The following DACH2 variants were observed in gnomAD, a reference collection of about 807,000 sequenced individuals.
The protein encoded by DACH2 is dachshund homolog 2.
In DACH2, 17 loss-of-function variants were observed where a neutral mutation model predicts 35.8. The observed-to-expected ratio is 0.48, with a 90% CI of 0.33 to 0.71. The LOEUF (loss-of-function observed/expected upper bound fraction) is 0.71, where lower values mean the gene tolerates loss of function less well. DACH2 is among the 30% of genes least tolerant of loss of function. The pLI is 0.02. For synonymous variants in DACH2, 195 were observed against 177.3 expected (o/e 1.10, Z -0.79); for missense variants, 469 against 472.7 (o/e 0.99, Z 0.07).
At position 86,546,404 on chromosome X, in the gene DACH2, C is replaced by CCTT. The variant is rs1556304122; in HGVS notation, c.640+32026_640+32028dup. On this transcript the variant is annotated intron_variant, in intron 3 of 11. Coordinates refer to ENST00000373125, the MANE Select transcript of DACH2 (RefSeq NM_053281.3). The stretch of plus-strand genomic sequence containing the variant: ...TCTTCTTCTTCTTCTTCTTCTTCTT[C>CCTT]CTTCTTCTTCTTCTTTCTTCTTCTT... 6.4e-3 allele frequency among the ~76,000 whole-genome samples: 137 copies of CCTT among 21,553 alleles called. 3 individuals carry two copies. Among genetic ancestry groups the CCTT allele is most frequent in the Middle Eastern group, 0.031 (1 of 32 alleles). The allele number at this position is 21,553 out of a possible 115,157, so 18.7% of individuals were successfully genotyped here. A position where few individuals can be genotyped will look rare whatever the true frequency, so the allele number is the denominator to read the frequency against.
chrX:86,452,024 T>C (rs748402068), intron 2 of DACH2, among the ~76,000 whole-genome samples: 1 of 111,825 alleles, frequency 8.9e-6, no homozygotes, highest in South Asian at 3.7e-4. Context: ...TTATTTAGAG[T>C]TTTTAACATA....
chrX:86,272,199 A>AGTGT (rs139733313), intron 1 of DACH2, among the ~76,000 whole-genome samples: 38,191 of 99,979 alleles, frequency 0.38, 5,583 homozygotes, highest in East Asian at 0.52. Context: ...TTCCTTTGAG[A>AGTGT]GTGTGTGTGT....
chrX:86,508,933 A>G lies in DACH2; in HGVS notation c.528-5346A>G, dbSNP rs184194862. Among the ~76,000 whole-genome samples, 301 of 111,842 alleles carry G rather than the reference A, an allele frequency of 2.7e-3. 1 individual carries two copies. Among genetic ancestry groups the G allele is most frequent in the Middle Eastern group, 0.023 (5 of 215 alleles). On this transcript the variant is annotated intron_variant, in intron 2 of 11. Transcript: ENST00000373125. The stretch of plus-strand genomic sequence containing the variant: ...AAGAAACAGAAATTCAGTATTAGTG[A>G]GAGAAAGAAGCATCACCATTTTAAA...
At chrX:86,793,997 T>C (rs2042212248) in intron 7 of DACH2, among the ~76,000 whole-genome samples, 1 of 112,042 alleles carries the variant, frequency 8.9e-6, no homozygotes, top group African/African-American at 3.2e-5. Flanking sequence ...GAATGTGGGC[T>C]TTGGTATATA....
chrX:86,778,467 G>T (rs1301243819), intron 7 of DACH2, among the ~76,000 whole-genome samples: 1 of 111,462 alleles, frequency 9.0e-6, no homozygotes, highest in African/African-American at 3.3e-5. Flanking sequence ...TGCAATGTTA[G>T]GTAGTAATAA....
intron 7 of DACH2, 82 bp downstream of exon 7, chrX:86,739,964 A>T (rs2041636963): frequency 7.4e-6 from 7 of 947,854 alleles, no homozygotes; most frequent in Non-Finnish European, 9.9e-6. Flanking sequence ...GAGAGGGAAA[A>T]GCTGGGGAAG....
rs377467285 is a variant in DACH2, at chrX:86,417,042, C to T, written c.527+40180C>T. Among the ~76,000 whole-genome samples, 172 of 83,597 alleles carry T rather than the reference C, an allele frequency of 2.1e-3. 7 individuals are homozygous for T. The South Asian group carries it at 0.12, about 57-fold the overall frequency. 72.6% of individuals were successfully genotyped at this position (83,597 alleles called of 115,157 possible). On this transcript the variant is annotated intron_variant, in intron 2 of 11. Coordinates refer to ENST00000373125, the MANE Select transcript of DACH2 (RefSeq NM_053281.3). ...CTGGGAGGTGGAGGTTGCAGTGAGT[C>T]GAGATCATGCCACTGCACTCCAGCC...
chrX:86,773,143 A>T (rs2042002015), intron 7 of DACH2, among the ~76,000 whole-genome samples: 1 of 111,815 alleles, frequency 8.9e-6, no homozygotes. Context: ...CCTCATTTTA[A>T]TTTTTTAATC....
intron 1 of DACH2, among the ~76,000 whole-genome samples, chrX:86,268,368 G>A (rs1035252480): frequency 1.4e-4 from 16 of 110,989 alleles, no homozygotes; most frequent in African/African-American, 4.9e-4. Context: ...CAAATTTTGA[G>A]CTAGGCACTA....
intron 1 of DACH2, among the ~76,000 whole-genome samples, chrX:86,292,712 C>T (rs1310167979): frequency 1.8e-5 from 2 of 111,650 alleles, no homozygotes; most frequent in Non-Finnish European, 3.8e-5. Flanking sequence ...GCAGGTTGTT[C>T]TGTTTCCATG....
intron 3 of DACH2, among the ~76,000 whole-genome samples, chrX:86,556,829 G>GAGAGAGAGAGAGAGAA (rs747040901): frequency 1.3e-5 from 1 of 79,382 alleles, no homozygotes; most frequent in African/African-American, 4.3e-5. Context: ...GAGAGAGAGA[G>GAGAGAGAGAGAGAGAA]AAGAAGAAAT....
In DACH2 at chrX:86,818,249, T is replaced by C. The variant is rs979730477; in HGVS notation, c.1750+2150T>C. Among the ~76,000 whole-genome samples, 22 of 111,555 alleles carry C rather than the reference T, an allele frequency of 2.0e-4. No individual in the cohort carries two copies. The Admixed American group carries it at 2.1e-3, about 11-fold the overall frequency. ...TTATGAAAAACTATAGTTAATGTCT[T>C]ATGTTAATATGACAGTAGAATCACA... On this transcript the variant is annotated intron_variant, in intron 11 of 11. Coordinates refer to ENST00000373125, the MANE Select transcript of DACH2 (RefSeq NM_053281.3).
At chrX:86,479,456 T>C (rs190400778) in intron 2 of DACH2, among the ~76,000 whole-genome samples, 1 of 111,464 alleles carries the variant, frequency 9.0e-6, no homozygotes, top group African/African-American at 3.3e-5. Flanking sequence ...GAGGTAGTCT[T>C]TTTTGGGGTT....
intron 1 of DACH2, among the ~76,000 whole-genome samples, chrX:86,226,486 T>C (rs1196407225): frequency 9.0e-6 from 1 of 111,668 alleles, no homozygotes; most frequent in Non-Finnish European, 1.9e-5. Flanking sequence ...ACACAAGAGA[T>C]AAGCTGTATG....
In DACH2 at chrX:86,351,158, G is replaced by A. The variant is rs1254949158; in HGVS notation, c.489-25666G>A. 2.6e-4 allele frequency among the ~76,000 whole-genome samples: 5 copies of A among 19,191 alleles called. 1 individual carries two copies. Among genetic ancestry groups the A allele is most frequent in the Non-Finnish European group, 3.5e-4 (5 of 14,137 alleles). The allele number at this position is 19,191 out of a possible 115,157, so 16.7% of individuals were successfully genotyped here. A position where few individuals can be genotyped will look rare whatever the true frequency, so the allele number is the denominator to read the frequency against. On this transcript the variant is annotated intron_variant, in intron 1 of 11. Coordinates refer to ENST00000373125, the MANE Select transcript of DACH2 (RefSeq NM_053281.3). ...CAATTGTGAATGGGAGTTCACCCAT[G>A]ATTTGGCTCTCTGTTTGTCTGTTGT...
At chrX:86,333,827 A>G (rs2035253672) in intron 1 of DACH2, among the ~76,000 whole-genome samples, 2 of 111,130 alleles carry the variant, frequency 1.8e-5, no homozygotes, top group Admixed American at 1.9e-4. Context: ...TCACATAGCT[A>G]TACACTTGCC....
intron 7 of DACH2, among the ~76,000 whole-genome samples, chrX:86,809,610 C>A (rs2042376496): frequency 2.7e-5 from 3 of 111,766 alleles, no homozygotes; most frequent in East Asian, 5.6e-4. Context: ...CCTTAACATG[C>A]AATGTGACCT....
intron 1 of DACH2, among the ~76,000 whole-genome samples, chrX:86,206,721 G>A (rs766731194): frequency 1.8e-5 from 2 of 111,458 alleles, no homozygotes; most frequent in South Asian, 3.8e-4. Context: ...TGTTTGCTTC[G>A]TTGGGTGTAA....
At chrX:86,311,555 A>C (rs2034800872) in intron 1 of DACH2, among the ~76,000 whole-genome samples, 1 of 111,277 alleles carries the variant, frequency 9.0e-6, no homozygotes, top group African/African-American at 3.3e-5. Flanking sequence ...TCATGGGTCC[A>C]GGAATCAAGG....
Sources: allele counts gnomAD v4.1 joint callset (sites outside exome capture counted in the v4.1 genomes callset), GRCh38; gene constraint gnomAD v4.1.1; transcripts MANE v1.5; gene names NCBI Gene and HGNC (gene_info 2026-07-23, HGNC 2026-07-21).